TANC2: variants seen among roughly 807,000 people sequenced by gnomAD.
The protein encoded by TANC2 is protein TANC2.
A neutral mutation model predicts 210.5 loss-of-function variants in TANC2; 26 were observed. The observed-to-expected ratio is 0.12, with a 90% CI of 0.09 to 0.17. The LOEUF (loss-of-function observed/expected upper bound fraction) is 0.17, where lower values mean the gene tolerates loss of function less well. TANC2 is among the 10% of genes least tolerant of loss of function. TANC2 has a pLI of 1.00. For missense variants in TANC2, 2,129 were observed against 2,608.9 expected (o/e 0.82, Z 4.01); for synonymous variants, 931 against 967.1 (o/e 0.96, Z 0.69).
At chr17:63,423,644 A>T (rs2049077058) in exon 28 of TANC2, 2 of 152,220 alleles carry the variant, frequency 1.3e-5, no homozygotes, top group South Asian at 4.1e-4. Context: ...CTTTGAAGGG[A>T]TCATTAAGAC....
intron 12 of TANC2, 78 bp downstream of exon 12, chr17:63,340,410 T>C (rs2046189603): frequency 8.3e-7 from 1 of 1,204,130 alleles, no homozygotes. Context: ...TAAAAATGAT[T>C]GATTTTATCA....
At chr17:63,021,080 A>G (rs1468513452) in intron 2 of TANC2, among the ~76,000 whole-genome samples, 6 of 152,216 alleles carry the variant, frequency 3.9e-5, no homozygotes, top group African/African-American at 7.2e-5. Flanking sequence ...TCACATTTCA[A>G]CATGAGATTT....
chr17:63,035,344 CT>C (rs1174352161), intron 2 of TANC2, among the ~76,000 whole-genome samples: 1 of 152,166 alleles, frequency 6.6e-6, no homozygotes, highest in Non-Finnish European at 1.5e-5. Flanking sequence ...ATAAACATAA[CT>C]TTTGTCTGCA....
intron 26 of TANC2, among the ~76,000 whole-genome samples, chr17:63,417,381 G>C (rs1373198188): frequency 6.6e-6 from 1 of 151,984 alleles, no homozygotes; most frequent in Non-Finnish European, 1.5e-5. Context: ...AGTATTTAAG[G>C]GAATACTGAA....
intron 2 of TANC2, among the ~76,000 whole-genome samples, chr17:63,028,456 AT>A (rs2034640238): frequency 1.3e-5 from 2 of 152,176 alleles, no homozygotes; most frequent in Non-Finnish European, 2.9e-5. Context: ...AGAGTAGTAA[AT>A]TGTAAAAACA....
intron 17 of TANC2, 53 bp from the exon 18 acceptor site, chr17:63,395,690 C>A: frequency 6.5e-7 from 1 of 1,535,920 alleles, no homozygotes; most frequent in Admixed American, 1.8e-5. Flanking sequence ...GACTAGATTG[C>A]GAGCTCAGCC....
chr17:63,409,657 A>G (rs1427359530), intron 21 of TANC2, among the ~76,000 whole-genome samples: 1 of 152,204 alleles, frequency 6.6e-6, no homozygotes, highest in Non-Finnish European at 1.5e-5. Context: ...ATAGCCTACT[A>G]CACACCTAGG....
Position 63,389,559 on chromosome 17 carries a change from G to A in TANC2, c.3051+15G>A, listed in dbSNP as rs2047895447. On this transcript the variant is annotated intron_variant, in intron 17 of 27. Transcript: ENST00000689528. ...AACGGGCCAAGGTACTGGCTGCCCA[G>A]CTCTGCTGCTTTTCTTCCCTTTTTC... is the stretch of plus-strand genomic sequence containing the variant. 7 of 1,587,534 alleles carry A rather than the reference G, an allele frequency of 4.4e-6. No homozygotes were observed. The East Asian group carries it at 1.6e-4, about 36-fold the overall frequency.
chr17:63,244,167 T>C (rs985861164), intron 8 of TANC2, among the ~76,000 whole-genome samples: 4 of 152,228 alleles, frequency 2.6e-5, no homozygotes, highest in Admixed American at 6.5e-5. Context: ...ACTTTCATAG[T>C]AAGCAGGCGG....
At chr17:63,000,968 CAAA>C (rs3060700) in intron 1 of TANC2, among the ~76,000 whole-genome samples, 22,763 of 121,938 alleles carry the variant, frequency 0.19, 2,102 homozygotes, top group Middle Eastern at 0.28. Context: ...TTAGAACTAG[CAAA>C]AAAAAAAAAA....
At chr17:63,124,947 A>G (rs1157244670) in intron 4 of TANC2, among the ~76,000 whole-genome samples, 1 of 152,222 alleles carries the variant, frequency 6.6e-6, no homozygotes, top group Non-Finnish European at 1.5e-5. Flanking sequence ...TCTTCCGCAA[A>G]ATGGGTCTCT....
intron 2 of TANC2, among the ~76,000 whole-genome samples, chr17:63,038,968 G>A (rs2035079124): frequency 6.6e-6 from 1 of 152,056 alleles, no homozygotes; most frequent in Admixed American, 6.6e-5. Flanking sequence ...GTGACCCTCT[G>A]TTTCTTGTTT....
intron 1 of TANC2, among the ~76,000 whole-genome samples, chr17:62,976,363 G>C (rs1357800055): frequency 6.6e-6 from 1 of 151,684 alleles, no homozygotes; most frequent in Non-Finnish European, 1.5e-5. Context: ...CCCCCAGCCA[G>C]TGCCTCAGGT....
At chr17:63,200,729 C>T (rs1306065000) in intron 6 of TANC2, 42 bp from the exon 7 acceptor site, 3 of 1,521,010 alleles carry the variant, frequency 2.0e-6, no homozygotes, top group Non-Finnish European at 2.7e-6. Context: ...ACTTTAACAG[C>T]TGATCAGGTT....
chr17:63,016,835 C>T (rs73339688), intron 2 of TANC2, among the ~76,000 whole-genome samples: 3,198 of 152,058 alleles, frequency 0.021, 104 homozygotes, highest in African/African-American at 0.072. Flanking sequence ...CATTAATGAT[C>T]GTTTTATGTC....
intron 9 of TANC2, chr17:63,313,532 A>G (rs905173735): frequency 2.6e-5 from 4 of 152,212 alleles, no homozygotes; most frequent in Non-Finnish European, 4.4e-5. Flanking sequence ...TTATATAAGC[A>G]CAGAAAAAAA....
intron 1 of TANC2, among the ~76,000 whole-genome samples, chr17:62,999,535 C>T (rs2033273991): frequency 8.3e-6 from 1 of 120,148 alleles, no homozygotes; most frequent in African/African-American, 3.9e-5. Flanking sequence ...CACAGGGGCA[C>T]CCAAATTCAT....
intron 17 of TANC2, among the ~76,000 whole-genome samples, chr17:63,393,770 A>ATTT (rs1223342369): frequency 7.9e-6 from 1 of 127,260 alleles, no homozygotes; most frequent in African/African-American, 2.8e-5. Context: ...TATTATTATT[A>ATTT]TTATTATTTT....
chr17:62,987,715 C>T (rs1254458060), intron 1 of TANC2, among the ~76,000 whole-genome samples: 1 of 152,126 alleles, frequency 6.6e-6, no homozygotes, highest in Non-Finnish European at 1.5e-5. Context: ...ATCTTCACAC[C>T]CTACTGTACC....
Sources: allele counts gnomAD v4.1 joint callset (sites outside exome capture counted in the v4.1 genomes callset), GRCh38; gene constraint gnomAD v4.1.1; transcripts MANE v1.5; gene names NCBI Gene and HGNC (gene_info 2026-07-23, HGNC 2026-07-21).